The following RFX7 variants were observed in gnomAD, a reference collection of about 807,000 sequenced individuals.
RFX7 encodes the protein DNA-binding protein RFX7.
A neutral mutation model predicts 111.8 loss-of-function variants in RFX7; 26 were observed. The ratio of observed to expected loss-of-function variants is 0.23; its 90% CI spans 0.17 to 0.32. RFX7 has a LOEUF of 0.32. RFX7 is among the 10% of genes least tolerant of loss of function. The probability of loss-of-function intolerance (pLI) is 1.00; values close to 1 mark genes in which losing one functional copy is unlikely to be tolerated. For missense variants in RFX7, 1,573 were observed against 1,772.9 expected, an observed-to-expected ratio of 0.89 and a Z score of 2.02; for synonymous variants, 624 against 624.4, an observed-to-expected ratio of 1.00 and a Z score of 0.01.
In RFX7 at chr15:56,148,675, T is replaced by C. The variant is rs1354602954; in HGVS notation, c.196-4192A>G. 2.0e-5 allele frequency among the ~76,000 whole-genome samples: 3 copies of C among 152,206 alleles called. No homozygotes were observed. The East Asian group carries it at 5.8e-4, about 29-fold the overall frequency. ...TGAAGAAAACATGGGACAGAGACAGTATTCCATCTGCTCACCTACATTTCT... is the reference window on the plus strand; with the variant it reads ...TGAAGAAAACATGGGACAGAGACAGCATTCCATCTGCTCACCTACATTTCT... On this transcript the variant is annotated intron_variant, in intron 3 of 9. Coordinates refer to ENST00000559447, the MANE Select transcript of RFX7 (RefSeq NM_022841.7).
chr15:56,142,713 T>C (rs1207694101), intron 5 of RFX7, 65 bp downstream of exon 5: 10 of 1,427,770 alleles, frequency 7.0e-6, no homozygotes, highest in Middle Eastern at 2.0e-4. Flanking sequence ...AACAAATCAC[T>C]ATGGCCAAGT....
In RFX7 at chr15:56,093,237, T is replaced by C; in HGVS notation, c.*108A>G. The C allele has an allele frequency of 9.5e-7, 1 of 1,054,326 alleles. No individual in the cohort carries two copies. The allele number at this position is 1,054,326 out of a possible 1,614,324, so 65.3% of individuals were successfully genotyped here. ...GAAACCACTTCTGCAGCAAACGCTT[T>C]TAAAATGTCACAATTAATAGTATTT... On this transcript the variant is annotated 3_prime_UTR_variant, in exon 10 of 10. Transcript: ENST00000559447.
At chr15:56,202,944 T>C (rs1331970584) in intron 2 of RFX7, among the ~76,000 whole-genome samples, 2 of 152,196 alleles carry the variant, frequency 1.3e-5, no homozygotes, top group African/African-American at 4.8e-5. Flanking sequence ...TAGAGTGCCA[T>C]CAATCATGAT....
intron 3 of RFX7, among the ~76,000 whole-genome samples, chr15:56,175,979 GTC>G (rs1263478153): frequency 2.6e-5 from 4 of 152,102 alleles, no homozygotes; most frequent in African/African-American, 9.7e-5. Flanking sequence ...AACTATGAGA[GTC>G]TATTATTCTT....
At position 56,126,640 on chromosome 15, in the gene RFX7, T is replaced by A. The variant is rs568124764; in HGVS notation, c.401+16138A>T. ...AATTTAAAATAAAACATCATCAAAG[T>A]ATATGTTGTCTATATACTACATACA... On this transcript the variant is annotated intron_variant, in intron 5 of 9. Transcript: ENST00000559447. 3.9e-5 allele frequency among the ~76,000 whole-genome samples: 6 copies of A among 152,310 alleles called. No individual in the cohort carries two copies. In the East Asian group the frequency reaches 1.2e-3, roughly 29 times the overall value.
intron 2 of RFX7, among the ~76,000 whole-genome samples, chr15:56,184,570 T>A (rs528251628): frequency 1.1e-4 from 16 of 152,260 alleles, no homozygotes; most frequent in African/African-American, 3.9e-4. Flanking sequence ...TCTGGTAACA[T>A]CTGTTTTGGT....
intron 3 of RFX7, among the ~76,000 whole-genome samples, chr15:56,169,632 T>C (rs988709935): frequency 6.0e-5 from 9 of 150,980 alleles, no homozygotes; most frequent in Admixed American, 2.6e-4. Context: ...AGGACAAGAA[T>C]TCAAACTCAG....
At chr15:56,148,601 G>T (rs575736726) in intron 3 of RFX7, among the ~76,000 whole-genome samples, 2 of 152,268 alleles carry the variant, frequency 1.3e-5, no homozygotes, top group South Asian at 4.1e-4. Flanking sequence ...ACTGACATAA[G>T]AACTAGTAAC....
At chr15:56,101,682 T>C (rs753120821) in intron 7 of RFX7, 116 bp from the exon 8 acceptor site, 11 of 964,930 alleles carry the variant, frequency 1.1e-5, no homozygotes, top group Non-Finnish European at 1.7e-5. Flanking sequence ...TGGGTTAAAG[T>C]AGTATGAATT....
Position 56,098,291 on chromosome 15 carries a change from A to G in RFX7, c.897T>C (p.Ser299=), listed in dbSNP as rs368981337. The change falls in exon 9 of 10, where the codon TCT becomes TCC. Residue 299 remains serine (S), a synonymous_variant. Transcript: ENST00000559447. ...GCAACTGCTGTTTAGCATCAATTGG[A>G]GATGGCAAAGTCTTCACCTGAGGCT... The part of the protein sequence containing the change: ...SFQPQVKTLP[S]PIDAKQQLQR... The G allele has an allele frequency of 2.4e-5, 38 of 1,613,732 alleles. No individual in the cohort carries two copies. Among genetic ancestry groups the G allele is most frequent in the Admixed American group, 3.3e-5 (2 of 59,990 alleles).
rs1344611669 is a variant in RFX7, at chr15:56,093,902, T to C, written c.3826A>G (p.Asn1276Asp). ...RGLGMNNLPS[N>D]YTARMNLTQI... ...GTGAGATTCATCCGGGCTGTATAAT[T>C]AGAGGGCAGGTTGTTCATTCCCAAA... Residue 1276 changes from asparagine to aspartate, a missense_variant, in exon 10 of 10, where the codon AAT becomes GAT. Physicochemically the swap from Asn to Asp is conservative, Grantham distance 23 (BLOSUM62 1). Transcript: ENST00000559447. 6.2e-7 allele frequency: 1 copy of C among 1,613,832 alleles called. No homozygotes were observed. Among genetic ancestry groups the C allele is most frequent in the Non-Finnish European group, 8.5e-7 (1 of 1,179,884 alleles).
chr15:56,141,321 G>A lies in RFX7; in HGVS notation c.401+1457C>T, dbSNP rs775944728. On this transcript the variant is annotated intron_variant, in intron 5 of 9. Coordinates refer to ENST00000559447, the MANE Select transcript of RFX7 (RefSeq NM_022841.7). ...GTTAAAGCTGCAGTGAGCTGTGATC[G>A]TGCCATTGCACTCCAGCCTAGGTGA... Among the ~76,000 whole-genome samples the A allele has an allele frequency of 4.6e-5, 7 of 152,048 alleles. No individual in the cohort carries two copies. In the South Asian group the frequency reaches 6.2e-4, roughly 14 times the overall value.
chr15:56,173,796 A>G (rs1320167297), intron 3 of RFX7, among the ~76,000 whole-genome samples: 4 of 152,148 alleles, frequency 2.6e-5, no homozygotes, highest in African/African-American at 9.7e-5. Flanking sequence ...TCCATCTCAA[A>G]AAAAAGGGAC....
intron 5 of RFX7, among the ~76,000 whole-genome samples, chr15:56,111,974 G>A (rs1389835772): frequency 6.6e-6 from 1 of 152,050 alleles, no homozygotes; most frequent in Non-Finnish European, 1.5e-5. Flanking sequence ...AACTAGCCGG[G>A]CGTGGTGGTG....
intron 7 of RFX7, 146 bp from the exon 8 acceptor site, chr15:56,101,712 A>G: frequency 2.7e-6 from 2 of 736,296 alleles, no homozygotes; most frequent in Non-Finnish European, 4.4e-6. Flanking sequence ...GCAGACATAT[A>G]AGAGCTTTGC....
intron 2 of RFX7, among the ~76,000 whole-genome samples, chr15:56,199,209 C>T (rs1477862099): frequency 6.6e-6 from 1 of 152,152 alleles, no homozygotes; most frequent in Non-Finnish European, 1.5e-5. Flanking sequence ...TACTGAGTGA[C>T]TGTTAATCAG....
intron 9 of RFX7, among the ~76,000 whole-genome samples, chr15:56,097,492 CT>C (rs1259150548): frequency 3.9e-5 from 6 of 152,148 alleles, no homozygotes; most frequent in African/African-American, 1.4e-4. Context: ...GTGGCTCACG[CT>C]TATAATCCCA....
chr15:56,181,118 A>C (rs2042966819), intron 2 of RFX7, among the ~76,000 whole-genome samples: 1 of 152,154 alleles, frequency 6.6e-6, no homozygotes, highest in African/African-American at 2.4e-5. Context: ...TGGCCATAAA[A>C]ACCCAGTATG....
At chr15:56,241,143 T>G (rs2043685012) in intron 2 of RFX7, among the ~76,000 whole-genome samples, 1 of 152,096 alleles carries the variant, frequency 6.6e-6, no homozygotes, top group South Asian at 2.1e-4. Flanking sequence ...AAATATAAAT[T>G]TTCATATTTT....
Sources: gnomAD v4.1 joint callset for allele counts (sites outside exome capture counted in the v4.1 genomes callset) on GRCh38, gnomAD v4.1.1 for gene constraint, MANE v1.5 for transcripts, NCBI Gene and HGNC (gene_info 2026-07-23, HGNC 2026-07-21) for gene names.